GALNT13: variants seen among roughly 807,000 people sequenced by gnomAD.
GALNT13 encodes the protein polypeptide N-acetylgalactosaminyltransferase 13, also known as UDP-GalNAc:polypeptide N-acetylgalactosaminyltransferase 13.
GALNT13 carries 28 observed loss-of-function variants against 64.2 expected under a neutral mutation model. The observed-to-expected ratio is 0.44, with a 90% CI of 0.32 to 0.60. The LOEUF (loss-of-function observed/expected upper bound fraction) is 0.60. Among genes scored for constraint, GALNT13 ranks in the 20% least tolerant of loss-of-function variants. The probability of loss-of-function intolerance (pLI) is 0.05; values close to 1 mark genes in which losing one functional copy is unlikely to be tolerated. For synonymous variants in GALNT13, 214 were observed against 224.6 expected, an observed-to-expected ratio of 0.95 and a Z score of 0.42; for missense variants, 577 against 669.8, an observed-to-expected ratio of 0.86 and a Z score of 1.53.
At chr2:154,418,990 A>G (rs1376384025) in intron 11 of GALNT13, among the ~76,000 whole-genome samples, 1 of 152,120 alleles carries the variant, frequency 6.6e-6, no homozygotes, top group Admixed American at 6.6e-5. Context: ...CTCTACCATC[A>G]TAGTAATTGT....
intron 4 of GALNT13, among the ~76,000 whole-genome samples, chr2:154,141,757 G>C (rs541503218): frequency 2.0e-5 from 3 of 152,140 alleles, no homozygotes; most frequent in Admixed American, 6.5e-5. Flanking sequence ...CTATAAAAGT[G>C]GTTTATTATG....
chr2:153,461,343 C>T, the GALNT13 span, among the ~76,000 whole-genome samples: 1 of 151,952 alleles, frequency 6.6e-6, no homozygotes, highest in Non-Finnish European at 1.5e-5. Flanking sequence ...ACTTCCCCAC[C>T]AGAGAGAAAA....
intron 9 of GALNT13, 117 bp from the exon 10 acceptor site, chr2:154,395,874 A>T: frequency 2.5e-6 from 2 of 812,180 alleles, no homozygotes; most frequent in South Asian, 2.4e-5. Flanking sequence ...GCAGCTGCAT[A>T]TGCAATTGAA....
At chr2:153,930,543 A>C (rs1194262608) in intron 2 of GALNT13, among the ~76,000 whole-genome samples, 1 of 152,182 alleles carries the variant, frequency 6.6e-6, no homozygotes, top group Non-Finnish European at 1.5e-5. Context: ...GCCTATGACT[A>C]GCCAGTTATC....
At chr2:153,568,970 TG>T in the GALNT13 span, among the ~76,000 whole-genome samples, 1 of 152,254 alleles carries the variant, frequency 6.6e-6, no homozygotes, top group Non-Finnish European at 1.5e-5. Flanking sequence ...AATCTTGTTG[TG>T]TCATATTTCA....
At chr2:154,061,815 G>A (rs541431445) in intron 3 of GALNT13, among the ~76,000 whole-genome samples, 21 of 152,066 alleles carry the variant, frequency 1.4e-4, no homozygotes, top group Admixed American at 6.6e-4. Flanking sequence ...AATTGCTTTC[G>A]TCATAATTTT....
intron 8 of GALNT13, among the ~76,000 whole-genome samples, chr2:154,279,990 A>C (rs1691872000): frequency 6.6e-6 from 1 of 152,114 alleles, no homozygotes. Context: ...CATATTTTCC[A>C]TTGACAGCAT....
At chr2:153,819,628 C>T in the GALNT13 span, among the ~76,000 whole-genome samples, 52 of 152,332 alleles carry the variant, frequency 3.4e-4, no homozygotes, top group African/African-American at 1.2e-3. Flanking sequence ...CAACAGAGAA[C>T]ACCTCACAGT....
At chr2:154,445,733 G>T in intron 12 of GALNT13, 1 of 998,844 alleles carries the variant, frequency 1.0e-6, no homozygotes, top group Non-Finnish European at 1.4e-6. Flanking sequence ...AGCTGCCTGA[G>T]AGAAGTAGCT....
Position 154,091,162 on chromosome 2 carries a change from T to TA in GALNT13, c.143-49174dup, listed in dbSNP as rs1190732377. On this transcript the variant is annotated intron_variant, in intron 3 of 12. Transcript: ENST00000392825. ...TGCTCAGATATTTGATGAAGGCTCT[T>TA]ACAATATTCTTGTTGAGAAGATCTC... 6.6e-5 allele frequency among the ~76,000 whole-genome samples: 10 copies of TA among 152,170 alleles called. No homozygotes were observed. The East Asian group carries it at 1.7e-3, about 26-fold the overall frequency.
intron 3 of GALNT13, among the ~76,000 whole-genome samples, chr2:153,991,999 G>A (rs913746204): frequency 1.3e-5 from 2 of 152,112 alleles, no homozygotes; most frequent in African/African-American, 4.8e-5. Context: ...GAAATCATGG[G>A]AGAGTGGATC....
intron 10 of GALNT13, among the ~76,000 whole-genome samples, chr2:154,402,147 G>T (rs1699329479): frequency 6.6e-6 from 1 of 152,056 alleles, no homozygotes; most frequent in South Asian, 2.1e-4. Context: ...ACGTATGTTG[G>T]GATAATTAAA....
At chr2:153,252,261 A>C in the GALNT13 span, among the ~76,000 whole-genome samples, 85,265 of 108,840 alleles carry the variant, frequency 0.78, 34,468 homozygotes, top group African/African-American at 0.89. Context: ...TGGCTGCATA[A>C]ATGTCTTCTT....
the GALNT13 span, among the ~76,000 whole-genome samples, chr2:153,675,934 C>T: frequency 6.6e-6 from 1 of 151,936 alleles, no homozygotes; most frequent in Non-Finnish European, 1.5e-5. Flanking sequence ...ATATTAACAA[C>T]CTAATATCAC....
intron 4 of GALNT13, among the ~76,000 whole-genome samples, chr2:154,171,739 G>A (rs1013986074): frequency 1.3e-5 from 2 of 152,056 alleles, no homozygotes; most frequent in African/African-American, 4.8e-5. Flanking sequence ...TTCACAGCTT[G>A]TTTTATCAGC....
At chr2:153,449,455 T>G in the GALNT13 span, among the ~76,000 whole-genome samples, 1 of 152,164 alleles carries the variant, frequency 6.6e-6, no homozygotes, top group Admixed American at 6.6e-5. Context: ...CCCCCATGCC[T>G]CTGGCTCCCA....
chr2:153,119,153 G>A, the GALNT13 span, among the ~76,000 whole-genome samples: 1 of 152,114 alleles, frequency 6.6e-6, no homozygotes, highest in African/African-American at 2.4e-5. Flanking sequence ...GCTGAATTGT[G>A]AGTCAATTAA....
chr2:153,365,441 A>G, the GALNT13 span, among the ~76,000 whole-genome samples: 1 of 152,266 alleles, frequency 6.6e-6, no homozygotes. Context: ...AACTATCATC[A>G]GAGTGAACAG....
At chr2:153,801,420 C>T in the GALNT13 span, among the ~76,000 whole-genome samples, 1 of 151,638 alleles carries the variant, frequency 6.6e-6, no homozygotes, top group East Asian at 1.9e-4. Context: ...CACTAAGAGG[C>T]CATTGTAGAG....
Sources: gnomAD v4.1 joint callset for allele counts (sites outside exome capture counted in the v4.1 genomes callset) on GRCh38, gnomAD v4.1.1 for gene constraint, MANE v1.5 for transcripts, NCBI Gene and HGNC (gene_info 2026-07-23, HGNC 2026-07-21) for gene names.